LRRC20: variants seen among roughly 807,000 people sequenced by gnomAD.
The protein encoded by LRRC20 is leucine rich repeat containing 20, also known as leucine-rich repeat-containing protein 20.
In LRRC20, 11 loss-of-function variants were observed where a neutral mutation model predicts 14.4. That is an observed-to-expected ratio of 0.77 (90% CI 0.48 to 1.27). LRRC20 has a LOEUF of 1.27. LRRC20 is among the 50% of genes most tolerant of loss of function. LRRC20 has a pLI of 0.00. For missense variants in LRRC20, 219 were observed against 251.2 expected, an observed-to-expected ratio of 0.87 and a Z score of 0.87; for synonymous variants, 121 against 107.3, an observed-to-expected ratio of 1.13 and a Z score of -0.79.
At chr10:70,363,381 C>G (rs1222508660) in intron 2 of LRRC20, among the ~76,000 whole-genome samples, 1 of 152,016 alleles carries the variant, frequency 6.6e-6, no homozygotes, top group Non-Finnish European at 1.5e-5. Flanking sequence ...GCCCCCCACC[C>G]ACGGAGGACA....
intron 4 of LRRC20, among the ~76,000 whole-genome samples, chr10:70,318,275 T>G (rs1200100043): frequency 6.6e-6 from 1 of 152,154 alleles, no homozygotes; most frequent in African/African-American, 2.4e-5. Flanking sequence ...GAGTTTCTGA[T>G]GTAGGTCTAG....
intron 4 of LRRC20, among the ~76,000 whole-genome samples, chr10:70,316,802 G>A (rs1420254566): frequency 6.6e-6 from 1 of 152,358 alleles, no homozygotes; most frequent in East Asian, 1.9e-4. Flanking sequence ...CCTCCTAAGT[G>A]CTTGCTAACA....
At chr10:70,348,136 G>C (rs539364074) in intron 2 of LRRC20, among the ~76,000 whole-genome samples, 19 of 152,204 alleles carry the variant, frequency 1.2e-4, no homozygotes, top group Non-Finnish European at 1.5e-4. Flanking sequence ...GCATGAGAGG[G>C]GTGCACCACC....
chr10:70,318,382 T>C (rs1841949739), intron 4 of LRRC20, among the ~76,000 whole-genome samples: 1 of 152,126 alleles, frequency 6.6e-6, no homozygotes, highest in South Asian at 2.1e-4. Context: ...GCTGGGATAG[T>C]AAGGTGAAAC....
intron 2 of LRRC20, among the ~76,000 whole-genome samples, chr10:70,369,367 A>G (rs888598685): frequency 2.0e-5 from 3 of 152,094 alleles, no homozygotes; most frequent in Non-Finnish European, 2.9e-5. Context: ...CTCTGCTCCC[A>G]CTCCAAACAG....
At chr10:70,372,707 G>T (rs1844345092) in intron 2 of LRRC20, among the ~76,000 whole-genome samples, 1 of 152,046 alleles carries the variant, frequency 6.6e-6, no homozygotes, top group African/African-American at 2.4e-5. Flanking sequence ...CACCCAAAGT[G>T]CTGGGATTAA....
intron 2 of LRRC20, among the ~76,000 whole-genome samples, chr10:70,362,975 C>T (rs1300823510): frequency 6.6e-6 from 1 of 151,940 alleles, no homozygotes; most frequent in Non-Finnish European, 1.5e-5. Flanking sequence ...ATGAAAGAGA[C>T]CCCCAGGCCA....
At chr10:70,348,845 C>G (rs981103976) in intron 2 of LRRC20, among the ~76,000 whole-genome samples, 1 of 152,248 alleles carries the variant, frequency 6.6e-6, no homozygotes, top group African/African-American at 2.4e-5. Context: ...GGAAATTCCT[C>G]TGCAGGTCTA....
chr10:70,364,830 C>G (rs1405800501), intron 2 of LRRC20, among the ~76,000 whole-genome samples: 1 of 152,178 alleles, frequency 6.6e-6, no homozygotes, highest in African/African-American at 2.4e-5. Context: ...TCAGGTCCCT[C>G]CCCAGGAGCA....
chr10:70,341,692 T>TG (rs1418173076), intron 2 of LRRC20, among the ~76,000 whole-genome samples: 1 of 152,080 alleles, frequency 6.6e-6, no homozygotes, highest in Non-Finnish European at 1.5e-5. Context: ...CACTTGAGCC[T>TG]GGGAGGTGGG....
chr10:70,363,483 G>C (rs1263271615), intron 2 of LRRC20, among the ~76,000 whole-genome samples: 1 of 152,152 alleles, frequency 6.6e-6, no homozygotes, highest in Non-Finnish European at 1.5e-5. Context: ...CCAGCCTCCA[G>C]AATTGTGAGA....
At chr10:70,343,285 A>G (rs1842976960) in intron 2 of LRRC20, among the ~76,000 whole-genome samples, 1 of 152,174 alleles carries the variant, frequency 6.6e-6, no homozygotes, top group African/African-American at 2.4e-5. Flanking sequence ...ATAGTACCAG[A>G]AGTCCAGCAG....
intron 2 of LRRC20, among the ~76,000 whole-genome samples, chr10:70,374,534 A>G (rs1191613499): frequency 6.6e-6 from 1 of 151,860 alleles, no homozygotes; most frequent in African/African-American, 2.4e-5. Flanking sequence ...AATTTTTAGT[A>G]TGTTTTAGTA....
chr10:70,330,952 C>T (rs1006835141), intron 3 of LRRC20, among the ~76,000 whole-genome samples: 1 of 152,200 alleles, frequency 6.6e-6, no homozygotes, highest in African/African-American at 2.4e-5. Flanking sequence ...AGAGCCTGAC[C>T]GGGGACCCGG....
At chr10:70,350,405 A>G (rs2137057361) in intron 2 of LRRC20, among the ~76,000 whole-genome samples, 1 of 152,368 alleles carries the variant, frequency 6.6e-6, no homozygotes. Flanking sequence ...TTTTTGCATT[A>G]ATAAAGAAGC....
chr10:70,352,615 GTAAATA>G (rs1357504807), intron 2 of LRRC20, among the ~76,000 whole-genome samples: 1 of 152,176 alleles, frequency 6.6e-6, no homozygotes, highest in African/African-American at 2.4e-5. Flanking sequence ...ACCAATTGTA[GTAAATA>G]TGCCCCTCTG....
chr10:70,323,041 T>C, intron 4 of LRRC20, among the ~76,000 whole-genome samples: 1 of 152,012 alleles, frequency 6.6e-6, no homozygotes, highest in Admixed American at 6.5e-5. Context: ...AATGAAAGCA[T>C]GACTGAAGGG....
At position 70,346,553 on chromosome 10, in the gene LRRC20, C is replaced by T. The variant is rs556400650; in HGVS notation, c.83-5851G>A. Among the ~76,000 whole-genome samples, 275 of 152,234 alleles carry T rather than the reference C, an allele frequency of 1.8e-3. 1 individual carries two copies. Among genetic ancestry groups the T allele is most frequent in the African/African-American group, 6.2e-3 (258 of 41,540 alleles). On this transcript the variant is annotated intron_variant, in intron 2 of 4. Coordinates refer to ENST00000446961, the MANE Select transcript of LRRC20 (RefSeq NM_001278212.2). ...AGCTCTTTAAATAGTATTATCAACC[C>T]AGGTGTGTTGATTGTTTCTCTTGTT...
intron 2 of LRRC20, among the ~76,000 whole-genome samples, chr10:70,365,753 G>T (rs1843963142): frequency 6.6e-6 from 1 of 152,020 alleles, no homozygotes; most frequent in African/African-American, 2.4e-5. Context: ...ATGGGCAAAA[G>T]ATTCGAATAG....
Sources: allele counts gnomAD v4.1 joint callset (sites outside exome capture counted in the v4.1 genomes callset), GRCh38; gene constraint gnomAD v4.1.1; transcripts MANE v1.5; gene names NCBI Gene and HGNC (gene_info 2026-07-23, HGNC 2026-07-21).